HMGN5: variants seen among roughly 807,000 people sequenced by gnomAD.
HMGN5 encodes high mobility group nucleosome-binding domain-containing protein 5.
HMGN5 carries 4 observed loss-of-function variants against 9.5 expected under a neutral mutation model. The ratio of observed to expected loss-of-function variants is 0.42; its 90% CI spans 0.21 to 0.96. HMGN5 has a LOEUF of 0.96. Among genes scored for constraint, HMGN5 ranks in the 40% least tolerant of loss-of-function variants. The pLI is 0.30. For missense variants in HMGN5, 192 were observed against 187.5 expected (o/e 1.02, Z -0.14); for synonymous variants, 55 against 57.1 (o/e 0.96, Z 0.16).
intron 1 of HMGN5, among the ~76,000 whole-genome samples, chrX:81,192,006 A>C (rs943365045): frequency 2.7e-5 from 3 of 111,338 alleles, no homozygotes; most frequent in African/African-American, 9.8e-5. Context: ...GTGTTGTTTC[A>C]TCCAGGGCTT....
intron 6 of HMGN5, 121 bp from the exon 7 acceptor site, chrX:81,115,351 T>A: frequency 1.2e-6 from 1 of 822,002 alleles, no homozygotes; most frequent in Non-Finnish European, 1.6e-6. Context: ...TTAAAGAAAG[T>A]AATTTTCCTG....
At position 81,115,111 on chromosome X, in the gene HMGN5, ATCT is replaced by A. The variant is rs770668646; in HGVS notation, c.384_386del (p.Glu128del). The A allele has an allele frequency of 9.9e-5, 113 of 1,136,656 alleles. No homozygotes were observed. The highest frequency in any genetic ancestry group is 2.0e-4 in the African/African-American group (10 of 51,096). 93.7% of individuals were successfully genotyped at this position (1,136,656 alleles called of 1,213,427 possible). On this transcript the variant is annotated inframe_deletion, in exon 7 of 7. Transcript: ENST00000358130. ...TTTGATCTTCTTCATCTTCTTTCTG[ATCT>A]TCTTCTTCATTTTTTACTTCTGCTG...
intron 1 of HMGN5, among the ~76,000 whole-genome samples, chrX:81,148,466 A>G (rs1412467520): frequency 8.9e-6 from 1 of 112,042 alleles, no homozygotes; most frequent in Non-Finnish European, 1.9e-5. Context: ...CTTACGCCTT[A>G]TACAGAAATT....
At position 81,121,611 on chromosome X, in the gene HMGN5, TGACTGC is replaced by T; in HGVS notation, c.-68_-63del. 1.1e-6 allele frequency: 1 copy of T among 911,605 alleles called. No homozygotes were observed. The allele number at this position is 911,605 out of a possible 1,213,427, so 75.1% of individuals were successfully genotyped here. On this transcript the variant is annotated 5_prime_UTR_variant, in exon 2 of 7. Transcript: ENST00000358130. ...AAAAAAGCCGAAGGCAGTCACTGCC[TGACTGC>T]TCCAAGAGCAAATGAGTTTTCAATG...
chrX:81,181,342 C>CAT (rs1465578763), intron 1 of HMGN5, among the ~76,000 whole-genome samples: 1 of 110,518 alleles, frequency 9.0e-6, no homozygotes, highest in African/African-American at 3.3e-5. Flanking sequence ...ATAGTATGTG[C>CAT]ATATATTTAT....
At chrX:81,165,267 C>T (rs944715304) in intron 1 of HMGN5, among the ~76,000 whole-genome samples, 3 of 110,640 alleles carry the variant, frequency 2.7e-5, no homozygotes, top group South Asian at 3.9e-4. Flanking sequence ...CAATTACCTA[C>T]TTGACATCTC....
intron 1 of HMGN5, among the ~76,000 whole-genome samples, chrX:81,188,543 C>T (rs985422571): frequency 1.8e-5 from 2 of 109,361 alleles, no homozygotes; most frequent in African/African-American, 3.3e-5. Context: ...TTGTTACATA[C>T]GTATACATGT....
At chrX:81,157,386 C>A (rs2075385788) in intron 1 of HMGN5, among the ~76,000 whole-genome samples, 1 of 112,064 alleles carries the variant, frequency 8.9e-6, no homozygotes, top group South Asian at 3.7e-4. Context: ...ATGCATTTGA[C>A]CGGGTAGCCT....
intron 1 of HMGN5, among the ~76,000 whole-genome samples, chrX:81,188,562 C>A (rs977138508): frequency 9.1e-6 from 1 of 109,565 alleles, no homozygotes; most frequent in Non-Finnish European, 1.9e-5. Flanking sequence ...GTGCCATGTT[C>A]GTTTGCTGCT....
chrX:81,125,573 G>A (rs1019088756), intron 1 of HMGN5, among the ~76,000 whole-genome samples: 13 of 111,840 alleles, frequency 1.2e-4, no homozygotes, highest in Admixed American at 4.8e-4. Context: ...CTGAATTAAA[G>A]AGTAGCCACT....
At chrX:81,129,915 G>A (rs996710045) in intron 1 of HMGN5, among the ~76,000 whole-genome samples, 3 of 111,325 alleles carry the variant, frequency 2.7e-5, no homozygotes, top group Non-Finnish European at 5.7e-5. Context: ...AACAAAGTAC[G>A]CTGACTCATT....
At position 81,144,048 on chromosome X, in the gene HMGN5, G is replaced by A; in HGVS notation, c.-123-22376C>T. On this transcript the variant is annotated intron_variant, in intron 1 of 6. Transcript: ENST00000358130. The stretch of plus-strand genomic sequence containing the variant: ...CTTCTCCTTGGGACAGAGCACTTGG[G>A]GGAAGGAACAGCTGTGGGCACAGCT... 1.8e-5 allele frequency among the ~76,000 whole-genome samples: 2 copies of A among 111,657 alleles called. 1 individual carries two copies.
intron 1 of HMGN5, among the ~76,000 whole-genome samples, chrX:81,165,697 A>G (rs945431378): frequency 5.4e-5 from 6 of 111,564 alleles, no homozygotes; most frequent in African/African-American, 2.0e-4. Flanking sequence ...TAGTCTCTCT[A>G]TGAATAGAAG....
chrX:81,173,922 A>T (rs1189680195), intron 1 of HMGN5, among the ~76,000 whole-genome samples: 1 of 111,456 alleles, frequency 9.0e-6, no homozygotes, highest in Non-Finnish European at 1.9e-5. Context: ...CTTATGTTAG[A>T]ATTACTCACT....
At chrX:81,141,327 C>A (rs190530745) in intron 1 of HMGN5, among the ~76,000 whole-genome samples, 1 of 111,316 alleles carries the variant, frequency 9.0e-6, no homozygotes, top group East Asian at 2.9e-4. Flanking sequence ...TAGGCAGTAG[C>A]AAGGGAGTGG....
At chrX:81,174,358 T>G in intron 1 of HMGN5, among the ~76,000 whole-genome samples, 1 of 111,613 alleles carries the variant, frequency 9.0e-6, no homozygotes, top group Middle Eastern at 4.7e-3. Context: ...AATAGGCGTT[T>G]AAAGATGGAA....
intron 1 of HMGN5, among the ~76,000 whole-genome samples, chrX:81,128,476 T>A (rs972436848): frequency 1.3e-4 from 14 of 111,671 alleles, no homozygotes; most frequent in Admixed American, 3.8e-4. Context: ...TGTTGGAATA[T>A]ATATATTGTT....
chrX:81,189,420 A>G (rs927555428), intron 1 of HMGN5, among the ~76,000 whole-genome samples: 1 of 111,876 alleles, frequency 8.9e-6, no homozygotes, highest in Non-Finnish European at 1.9e-5. Context: ...GAAGCCACTG[A>G]TGTTTTTACT....
chrX:81,149,729 A>G (rs1183746583), intron 1 of HMGN5, among the ~76,000 whole-genome samples: 2 of 112,226 alleles, frequency 1.8e-5, no homozygotes, highest in East Asian at 2.8e-4. Flanking sequence ...TTCCATGCCA[A>G]TGGAAACTGA....
Sources: allele counts gnomAD v4.1 joint callset (sites outside exome capture counted in the v4.1 genomes callset), GRCh38; gene constraint gnomAD v4.1.1; transcripts MANE v1.5; gene names NCBI Gene and HGNC (gene_info 2026-07-23, HGNC 2026-07-21).